PTPN22: variants seen among roughly 807,000 people sequenced by gnomAD.
The protein encoded by PTPN22 is protein tyrosine phosphatase non-receptor type 22.
A neutral mutation model predicts 103.3 loss-of-function variants in PTPN22; 85 were observed. The ratio of observed to expected loss-of-function variants is 0.82; its 90% CI spans 0.69 to 0.99. PTPN22 has a LOEUF of 0.99. PTPN22 is among the 50% of genes least tolerant of loss of function. The probability of loss-of-function intolerance (pLI) is 0.00; values close to 1 mark genes in which losing one functional copy is unlikely to be tolerated. For synonymous variants in PTPN22, 323 were observed against 310.2 expected (o/e 1.04, Z -0.43); for missense variants, 865 against 936.9 (o/e 0.92, Z 1.00).
At position 113,847,508 on chromosome 1, in the gene PTPN22, T is replaced by A. The variant is rs969768863; in HGVS notation, c.915+1032A>T. ...CCTGGTTCTTGGTATAATAAGTGAT[T>A]TTCAACTGAAATCTGGGTATTTTCA... On this transcript the variant is annotated intron_variant, in intron 11 of 20. Transcript: ENST00000359785. Among the ~76,000 whole-genome samples the A allele has an allele frequency of 4.9e-4, 74 of 151,850 alleles. 1 individual carries two copies. Among genetic ancestry groups the A allele is most frequent in the African/African-American group, 1.7e-3 (72 of 41,478 alleles).
Position 113,859,507 on chromosome 1 carries a change from T to G in PTPN22, c.88-47A>C, listed in dbSNP as rs80017286. 800 of 1,448,230 alleles carry G rather than the reference T, an allele frequency of 5.5e-4. 4 individuals carry two copies. In the African/African-American group the frequency reaches 0.011, roughly 19 times the overall value. The allele number at this position is 1,448,230 out of a possible 1,614,324, so 89.7% of individuals were successfully genotyped here. A position where few individuals can be genotyped will look rare whatever the true frequency, so the allele number is the denominator to read the frequency against. Reference sequence around the variant, plus strand: ...AATTAATCTTCCTAGAGAAATGAGGTAAGAAGCTATCTCTAAAGAGCTTTC... The same window carrying G: ...AATTAATCTTCCTAGAGAAATGAGGGAAGAAGCTATCTCTAAAGAGCTTTC... On this transcript the variant is annotated intron_variant, in intron 1 of 20. Transcript: ENST00000359785.
At chr1:113,860,459 CTGT>C (rs1259514692) in intron 1 of PTPN22, among the ~76,000 whole-genome samples, 3 of 152,166 alleles carry the variant, frequency 2.0e-5, no homozygotes, top group Non-Finnish European at 4.4e-5. Flanking sequence ...AGAGAGCCTA[CTGT>C]AGTTTGAATT....
At chr1:113,848,655 GAAAACA>G in intron 10 of PTPN22, 29 bp from the exon 11 acceptor site, 1 of 1,583,170 alleles carries the variant, frequency 6.3e-7, no homozygotes, top group Admixed American at 2.0e-5. Context: ...CAGAACAAAT[GAAAACA>G]AAAACAAAAA....
chr1:113,833,145 GA>G lies in PTPN22; in HGVS notation c.2026-8del, dbSNP rs756882372. ...GACTTCGGAGTTTTACACTCTAAAA[GA>G]AAAAAAGAAAGGAAAAGTGAAAGAA... On this transcript the variant is annotated splice_region_variant and splice_polypyrimidine_tract_variant and intron_variant, in intron 15 of 20. Coordinates refer to ENST00000359785, the Ensembl canonical transcript of PTPN22. 3.9e-6 allele frequency: 6 copies of G among 1,541,424 alleles called. No homozygotes were observed. Among genetic ancestry groups the G allele is most frequent in the South Asian group, 1.2e-5 (1 of 85,404 alleles).
chr1:113,862,122 T>C (rs1245185416), intron 1 of PTPN22, among the ~76,000 whole-genome samples: 1 of 151,286 alleles, frequency 6.6e-6, no homozygotes, highest in Non-Finnish European at 1.5e-5. Flanking sequence ...CTACCAAAAA[T>C]ACAAAAAAAA....
At chr1:113,862,060 C>T (rs547984413) in intron 1 of PTPN22, among the ~76,000 whole-genome samples, 1 of 151,966 alleles carries the variant, frequency 6.6e-6, no homozygotes, top group Non-Finnish European at 1.5e-5. Flanking sequence ...GCAGGCAGAT[C>T]ACTAGGTCAG....
Position 113,830,067 on chromosome 1 carries a change from A to G in PTPN22, c.2054-38T>C, listed in dbSNP as rs763059709. The G allele has an allele frequency of 2.8e-6, 4 of 1,443,180 alleles. No individual in the cohort carries two copies. The East Asian group carries it at 7.0e-5, about 25-fold the overall frequency. The allele number at this position is 1,443,180 out of a possible 1,614,324, so 89.4% of individuals were successfully genotyped here. On this transcript the variant is annotated intron_variant, in intron 16 of 20. Transcript: ENST00000359785. Reference sequence around the variant, plus strand: ...AGTATACAATAAACCAGAGAAATCCATCAATTAAAAGTCATAAGTCAACAC... The same window carrying G: ...AGTATACAATAAACCAGAGAAATCCGTCAATTAAAAGTCATAAGTCAACAC...
rs540075969 is a variant in PTPN22, at chr1:113,844,143, T to A, written c.915+4397A>T. ...AGGTTTGTCAATTTCATTGATCTTG[T>A]TAAAGAACGATTTTTTTTTATCTTT... On this transcript the variant is annotated intron_variant, in intron 11 of 20. Coordinates refer to ENST00000359785, the Ensembl canonical transcript of PTPN22. Among the ~76,000 whole-genome samples the A allele has an allele frequency of 4.6e-5, 7 of 152,320 alleles. No individual in the cohort carries two copies. In the South Asian group the frequency reaches 8.3e-4, roughly 18 times the overall value.
chr1:113,858,858 G>T, intron 3 of PTPN22, 144 bp downstream of exon 3: 1 of 1,385,756 alleles, frequency 7.2e-7, no homozygotes, highest in African/African-American at 1.5e-5. Flanking sequence ...AGGCTGGTCT[G>T]AAATTCTTGC....
chr1:113,869,658 G>A (rs755515293), intron 1 of PTPN22, among the ~76,000 whole-genome samples: 6 of 152,114 alleles, frequency 3.9e-5, no homozygotes, highest in Non-Finnish European at 2.9e-5. Flanking sequence ...GCCTCCCAAA[G>A]TGCTGGGTTT....
intron 16 of PTPN22, among the ~76,000 whole-genome samples, chr1:113,832,713 G>A (rs1214920337): frequency 6.6e-6 from 1 of 152,194 alleles, no homozygotes; most frequent in Non-Finnish European, 1.5e-5. Context: ...GTTAGTTTTT[G>A]TTCTTCAATG....
At chr1:113,835,582 C>T (rs1662932106) in intron 13 of PTPN22, among the ~76,000 whole-genome samples, 1 of 152,026 alleles carries the variant, frequency 6.6e-6, no homozygotes, top group African/African-American at 2.4e-5. Flanking sequence ...CACGGTGTAT[C>T]AGTTAACATA....
chr1:113,862,652 G>A (rs1009817306), intron 1 of PTPN22, among the ~76,000 whole-genome samples: 4 of 152,158 alleles, frequency 2.6e-5, no homozygotes, highest in East Asian at 3.8e-4. Context: ...GATAGAAGAC[G>A]TAGCATTTTA....
At chr1:113,871,599 T>C (rs943012903) in exon 1 of PTPN22, 1 of 1,614,072 alleles carries the variant, frequency 6.2e-7, no homozygotes, top group Non-Finnish European at 8.5e-7. Flanking sequence ...TCCAGGAACT[T>C]CTGCAGAATT....
intron 11 of PTPN22, among the ~76,000 whole-genome samples, chr1:113,839,321 C>T (rs954057602): frequency 2.6e-5 from 4 of 151,886 alleles, no homozygotes; most frequent in African/African-American, 7.3e-5. Context: ...CTCAAGCAGT[C>T]CTCCTACCTC....
intron 16 of PTPN22, among the ~76,000 whole-genome samples, 153 bp from the exon 17 acceptor site, chr1:113,830,182 G>A (rs1045791686): frequency 3.3e-5 from 5 of 152,056 alleles, no homozygotes; most frequent in African/African-American, 1.2e-4. Context: ...GGAGCCTCAA[G>A]AACTTTGTTT....
At chr1:113,854,367 G>A in intron 9 of PTPN22, 104 bp downstream of exon 9, 1 of 1,113,882 alleles carries the variant, frequency 9.0e-7, no homozygotes, top group Non-Finnish European at 1.3e-6. Flanking sequence ...ACATTTTCTA[G>A]AAAAGATGAA....
intron 11 of PTPN22, among the ~76,000 whole-genome samples, chr1:113,844,539 T>C (rs1663883733): frequency 6.6e-6 from 1 of 152,236 alleles, no homozygotes; most frequent in Non-Finnish European, 1.5e-5. Context: ...TTTATTTCTT[T>C]TTCTATATTC....
At chr1:113,850,177 A>G (rs903119004) in intron 10 of PTPN22, among the ~76,000 whole-genome samples, 59 of 149,548 alleles carry the variant, frequency 3.9e-4, no homozygotes, top group Non-Finnish European at 1.2e-4. Flanking sequence ...AGCCTGAGTG[A>G]CAGTGTGAAA....
Sources: allele counts gnomAD v4.1 joint callset (sites outside exome capture counted in the v4.1 genomes callset), GRCh38; gene constraint gnomAD v4.1.1; transcripts MANE v1.5; gene names NCBI Gene and HGNC (gene_info 2026-07-23, HGNC 2026-07-21).